The following MTPN variants were observed in gnomAD, a reference collection of about 807,000 sequenced individuals.
MTPN encodes granule cell differentiation protein.
Under a neutral mutation model 13.5 loss-of-function variants are expected in MTPN, and 2 were observed. The observed-to-expected ratio is 0.15, with a 90% CI of 0.06 to 0.47. MTPN has a LOEUF of 0.47. MTPN is among the 20% of genes least tolerant of loss of function. The pLI is 0.97. For synonymous variants in MTPN, 46 were observed against 51.7 expected, an observed-to-expected ratio of 0.89 and a Z score of 0.48; for missense variants, 79 against 137.9, an observed-to-expected ratio of 0.57 and a Z score of 2.14.
At chr7:135,959,325 T>C (rs1265139049) in intron 1 of MTPN, among the ~76,000 whole-genome samples, 1 of 152,182 alleles carries the variant, frequency 6.6e-6, no homozygotes, top group Non-Finnish European at 1.5e-5. Flanking sequence ...CACACATTTT[T>C]CTGTATTTTA....
chr7:135,935,243 C>CTTT (rs35519952), intron 3 of MTPN, among the ~76,000 whole-genome samples: 9 of 144,976 alleles, frequency 6.2e-5, no homozygotes, highest in African/African-American at 1.5e-4. Flanking sequence ...TGATTTCTTT[C>CTTT]TTTTTTTTTT....
At chr7:135,958,668 T>C (rs1445283428) in intron 1 of MTPN, among the ~76,000 whole-genome samples, 1 of 152,176 alleles carries the variant, frequency 6.6e-6, no homozygotes, top group Non-Finnish European at 1.5e-5. Flanking sequence ...TTCTTATTTT[T>C]ACATTAGGTT....
chr7:135,953,535 T>C (rs1419225943), intron 1 of MTPN, among the ~76,000 whole-genome samples: 1 of 152,174 alleles, frequency 6.6e-6, no homozygotes, highest in Non-Finnish European at 1.5e-5. Flanking sequence ...CACTTAAATA[T>C]CACACTAGCT....
At position 135,929,704 on chromosome 7, in the gene MTPN, G is replaced by C. The variant is rs946947473; in HGVS notation, c.*222C>G. 6 of 565,924 alleles carry C rather than the reference G, an allele frequency of 1.1e-5. No homozygotes were observed. The African/African-American group carries it at 1.1e-4, about 11-fold the overall frequency. The allele number at this position is 565,924 out of a possible 1,614,324, so 35.1% of individuals were successfully genotyped here. On this transcript the variant is annotated 3_prime_UTR_variant, in exon 4 of 4. Transcript: ENST00000393085. The stretch of plus-strand genomic sequence containing the variant: ...TATTAGAAAGGGAAGAGGCTTACTT[G>C]ATCAGGAATCCCAGTAAAAGCCTGA...
intron 3 of MTPN, among the ~76,000 whole-genome samples, chr7:135,940,490 G>C (rs1223671647): frequency 6.6e-6 from 1 of 152,142 alleles, no homozygotes; most frequent in Non-Finnish European, 1.5e-5. Context: ...TTTCGTAGCA[G>C]TTTTGAGTTT....
At chr7:135,933,848 G>C (rs140248352) in intron 3 of MTPN, among the ~76,000 whole-genome samples, 7 of 152,084 alleles carry the variant, frequency 4.6e-5, no homozygotes, top group African/African-American at 1.7e-4. Flanking sequence ...ACTGGATCAC[G>C]GGTGCTAATG....
chr7:135,968,863 A>T (rs527452914), intron 1 of MTPN, among the ~76,000 whole-genome samples: 1 of 152,058 alleles, frequency 6.6e-6, no homozygotes, highest in Non-Finnish European at 1.5e-5. Flanking sequence ...CCTAAAGAGA[A>T]TGTGAGAGGG....
intron 3 of MTPN, among the ~76,000 whole-genome samples, chr7:135,941,836 A>G (rs1799214614): frequency 6.6e-6 from 1 of 152,112 alleles, no homozygotes; most frequent in South Asian, 2.1e-4. Context: ...CGAGCCTTCA[A>G]ATTACTCCTC....
At chr7:135,940,781 A>C (rs1799196761) in intron 3 of MTPN, among the ~76,000 whole-genome samples, 1 of 152,246 alleles carries the variant, frequency 6.6e-6, no homozygotes, top group South Asian at 2.1e-4. Flanking sequence ...TTTGTATCTT[A>C]CAGAAAATAA....
chr7:135,976,986 G>A (rs1799785508), intron 1 of MTPN, 43 bp downstream of exon 1: 1 of 1,323,000 alleles, frequency 7.6e-7, no homozygotes, highest in Admixed American at 2.0e-5. Context: ...CTCATCTCCA[G>A]CCCACCTCCG....
At chr7:135,963,202 T>C (rs371834158) in intron 1 of MTPN, among the ~76,000 whole-genome samples, 6 of 152,188 alleles carry the variant, frequency 3.9e-5, no homozygotes, top group Non-Finnish European at 5.9e-5. Context: ...GAATTCAGAA[T>C]TCCTTAAGAC....
Position 135,959,062 on chromosome 7 carries a change from C to T in MTPN, c.73-7432G>A, listed in dbSNP as rs150561292. Among the ~76,000 whole-genome samples, 16 of 152,236 alleles carry T rather than the reference C, an allele frequency of 1.1e-4. No homozygotes were observed. The East Asian group carries it at 3.1e-3, about 29-fold the overall frequency. On this transcript the variant is annotated intron_variant, in intron 1 of 3. Transcript: ENST00000393085. Reference sequence around the variant, plus strand: ...TTAGCAAGGCCTACCATCCAAAATACAACCATTGTTACCACTCTGCTATAA... The same window carrying T: ...TTAGCAAGGCCTACCATCCAAAATATAACCATTGTTACCACTCTGCTATAA...
At chr7:135,976,987 C>G in intron 1 of MTPN, 42 bp downstream of exon 1, 1 of 1,584,852 alleles carries the variant, frequency 6.3e-7, no homozygotes, top group Non-Finnish European at 8.7e-7. Context: ...TCATCTCCAG[C>G]CCACCTCCGT....
chr7:135,957,659 T>C (rs370053640), intron 1 of MTPN, among the ~76,000 whole-genome samples: 2 of 152,194 alleles, frequency 1.3e-5, no homozygotes, highest in Non-Finnish European at 2.9e-5. Context: ...ATGTTGAAAT[T>C]TGATCCCAAT....
intron 3 of MTPN, chr7:135,932,655 A>C (rs1186455340): frequency 6.6e-6 from 1 of 152,054 alleles, no homozygotes; most frequent in African/African-American, 2.4e-5. Context: ...GACTATATTT[A>C]TATCAGACAA....
At position 135,947,799 on chromosome 7, in the gene MTPN, T is replaced by A. The variant is rs191874645; in HGVS notation, c.270+2800A>T. On this transcript the variant is annotated intron_variant, in intron 3 of 3. Transcript: ENST00000393085. ...GGTTTCCTTATCCATAAAAGAGAGA[T>A]AATAATACCTAAGTATTTGGGTTTA... 1.1e-3 allele frequency among the ~76,000 whole-genome samples: 164 copies of A among 152,204 alleles called. 1 individual carries two copies. The highest frequency in any genetic ancestry group is 3.8e-3 in the African/African-American group (159 of 41,530).
chr7:135,977,227 G>A lies in MTPN; in HGVS notation c.-127C>T, dbSNP rs1173481423. ...CCGGAGAGGAGAAGAAGAGAAGGAG[G>A]GTTAGGCTGCCAGGCGGGCGAGGCA... On this transcript the variant is annotated 5_prime_UTR_variant, in exon 1 of 4. Coordinates refer to ENST00000393085, the MANE Select transcript of MTPN (RefSeq NM_145808.4). 2 of 949,812 alleles carry A rather than the reference G, an allele frequency of 2.1e-6. No individual in the cohort carries two copies. The allele number at this position is 949,812 out of a possible 1,614,324, so 58.8% of individuals were successfully genotyped here.
chr7:135,951,671 G>T, intron 1 of MTPN, 41 bp from the exon 2 acceptor site: 1 of 1,329,708 alleles, frequency 7.5e-7, no homozygotes, highest in South Asian at 1.3e-5. Flanking sequence ...TATATGAATG[G>T]AAGACTGAAG....
At chr7:135,945,760 T>C (rs1799279508) in intron 3 of MTPN, among the ~76,000 whole-genome samples, 2 of 152,188 alleles carry the variant, frequency 1.3e-5, no homozygotes, top group African/African-American at 2.4e-5. Context: ...ATAAAAAGCA[T>C]AGTATAGTAA....
Sources: gnomAD v4.1 joint callset for allele counts (sites outside exome capture counted in the v4.1 genomes callset) on GRCh38, gnomAD v4.1.1 for gene constraint, MANE v1.5 for transcripts, NCBI Gene and HGNC (gene_info 2026-07-23, HGNC 2026-07-21) for gene names.